The following WDR7 variants were observed in gnomAD, a reference collection of about 807,000 sequenced individuals.
The protein encoded by WDR7 is WD repeat domain 7.
A neutral mutation model predicts 169.4 loss-of-function variants in WDR7; 46 were observed. That is an observed-to-expected ratio of 0.27 (90% CI 0.21 to 0.35). WDR7 has a LOEUF of 0.35. Ranked by LOEUF, WDR7 falls within the 10% of genes least tolerant of loss-of-function variation. WDR7 has a pLI of 1.00. For synonymous variants in WDR7, 612 were observed against 666.8 expected, an observed-to-expected ratio of 0.92 and a Z score of 1.27; for missense variants, 1,534 against 1,859.3, an observed-to-expected ratio of 0.83 and a Z score of 3.22.
At chr18:56,776,747 C>T in intron 16 of WDR7, 35 bp from the exon 17 acceptor site, 1 of 1,582,890 alleles carries the variant, frequency 6.3e-7, no homozygotes, top group Non-Finnish European at 8.7e-7. Flanking sequence ...TACTTCAATT[C>T]TCTCCTCTTT....
chr18:56,842,489 G>A (rs1269047633), intron 20 of WDR7, among the ~76,000 whole-genome samples: 5 of 152,152 alleles, frequency 3.3e-5, no homozygotes, highest in Admixed American at 6.5e-5. Flanking sequence ...TCAAACAATA[G>A]CAAGGACTGA....
Position 57,009,874 on chromosome 18 carries a change from G to A in WDR7, c.4165-10871G>A, listed in dbSNP as rs73958738. The A allele has an allele frequency of 4.2e-3, 4,138 of 985,272 alleles. 136 individuals carry two copies. The African/African-American group carries it at 0.065, about 16-fold the overall frequency. The allele number at this position is 985,272 out of a possible 1,614,324, so 61.0% of individuals were successfully genotyped here. ...GGCAAAGGAGAGGTGACAAAGGAGC[G>A]GGAACACATGTGAAGATCCTGACCT... On this transcript the variant is annotated intron_variant, in intron 26 of 27. Coordinates refer to ENST00000254442, the MANE Select transcript of WDR7 (RefSeq NM_015285.3).
intron 1 of WDR7, among the ~76,000 whole-genome samples, chr18:56,670,866 A>G (rs948698883): frequency 6.6e-6 from 1 of 152,152 alleles, no homozygotes; most frequent in Non-Finnish European, 1.5e-5. Context: ...CTGTCAGGCT[A>G]TAGGTGACTT....
intron 14 of WDR7, among the ~76,000 whole-genome samples, chr18:56,754,247 TTGTGTGTGTGTGTGTGTG>T (rs71169393): frequency 2.1e-5 from 3 of 141,630 alleles, no homozygotes; most frequent in Non-Finnish European, 4.6e-5. Flanking sequence ...GTTTTGTGCT[TTGTGTGTGTGTGTGTGTG>T]TGTGTGTGTG....
At chr18:56,994,006 CT>C (rs35754900) in intron 26 of WDR7, among the ~76,000 whole-genome samples, 3,149 of 105,182 alleles carry the variant, frequency 0.03, 178 homozygotes, top group Admixed American at 0.16. Flanking sequence ...TCATCCATTA[CT>C]TTTTTTTTCT....
intron 4 of WDR7, 116 bp from the exon 5 acceptor site, chr18:56,682,563 C>T (rs557276815): frequency 1.1e-4 from 123 of 1,145,024 alleles, no homozygotes; most frequent in South Asian, 5.8e-4. Context: ...AAATTCTTAC[C>T]GAAGAAGTTG....
intron 26 of WDR7, among the ~76,000 whole-genome samples, chr18:56,982,325 G>T (rs929701308): frequency 6.6e-6 from 1 of 152,150 alleles, no homozygotes; most frequent in Non-Finnish European, 1.5e-5. Context: ...TATCTGTTTT[G>T]CCAAGGAGGG....
At chr18:56,889,179 G>A (rs970099697) in intron 21 of WDR7, among the ~76,000 whole-genome samples, 6 of 152,326 alleles carry the variant, frequency 3.9e-5, no homozygotes, top group Non-Finnish European at 8.8e-5. Flanking sequence ...CTTCAGTCAT[G>A]ATGGGGAGGA....
chr18:56,921,005 T>A (rs1486039940), intron 21 of WDR7, among the ~76,000 whole-genome samples: 2 of 152,186 alleles, frequency 1.3e-5, no homozygotes, highest in South Asian at 2.1e-4. Flanking sequence ...TAATATTTTT[T>A]AAAGGCTGGT....
In WDR7 at chr18:57,028,389, A is replaced by C. The variant is rs971915046; in HGVS notation, c.*1182A>C. ...CTAGACCACTTTCTTCTTATGTCAGATTGTGCTGGTTCTAGCTCATAATAA... is the reference window on the plus strand; with the variant it reads ...CTAGACCACTTTCTTCTTATGTCAGCTTGTGCTGGTTCTAGCTCATAATAA... On this transcript the variant is annotated 3_prime_UTR_variant, in exon 28 of 28. Transcript: ENST00000254442. 6.6e-6 allele frequency: 1 copy of C among 152,120 alleles called. No individual in the cohort carries two copies. The highest frequency in any genetic ancestry group is 1.5e-5 in the Non-Finnish European group (1 of 68,024). 9.4% of individuals were successfully genotyped at this position (152,120 alleles called of 1,614,324 possible). A position where few individuals can be genotyped will look rare whatever the true frequency, so the allele number is the denominator to read the frequency against.
At chr18:57,022,198 T>A (rs1249850548) in intron 27 of WDR7, among the ~76,000 whole-genome samples, 1 of 152,242 alleles carries the variant, frequency 6.6e-6, no homozygotes, top group African/African-American at 2.4e-5. Flanking sequence ...GCAGCAGTGG[T>A]TCTTTAAGGA....
chr18:56,909,264 C>T (rs1405639381), intron 21 of WDR7, among the ~76,000 whole-genome samples: 1 of 151,982 alleles, frequency 6.6e-6, no homozygotes, highest in East Asian at 1.9e-4. Context: ...TAGCATTTGG[C>T]TTCTGGGTGG....
Position 57,028,153 on chromosome 18 carries a change from G to A in WDR7, c.*946G>A, listed in dbSNP as rs965952295. 6.6e-6 allele frequency: 1 copy of A among 152,182 alleles called. No homozygotes were observed. The highest frequency in any genetic ancestry group is 1.5e-5 in the Non-Finnish European group (1 of 68,040). The allele number at this position is 152,182 out of a possible 1,614,324, so 9.4% of individuals were successfully genotyped here. On this transcript the variant is annotated 3_prime_UTR_variant, in exon 28 of 28. Coordinates refer to ENST00000254442, the MANE Select transcript of WDR7 (RefSeq NM_015285.3). ...TGTAGTTCCCATATGTGTGGCATAT[G>A]TCAGTTATGAAATTATTATAATTCA... is the stretch of plus-strand genomic sequence containing the variant.
chr18:57,012,815 T>A (rs1378210996), intron 26 of WDR7, among the ~76,000 whole-genome samples: 1 of 152,218 alleles, frequency 6.6e-6, no homozygotes, highest in Non-Finnish European at 1.5e-5. Context: ...GGCCCCAGAC[T>A]GCCTGGATTC....
chr18:56,984,823 G>A (rs2047690741), intron 26 of WDR7, among the ~76,000 whole-genome samples: 1 of 152,080 alleles, frequency 6.6e-6, no homozygotes, highest in Non-Finnish European at 1.5e-5. Context: ...CATTTTGGGG[G>A]CGGTTTTCCT....
At chr18:56,926,919 A>G (rs569432671) in intron 22 of WDR7, among the ~76,000 whole-genome samples, 135 of 152,186 alleles carry the variant, frequency 8.9e-4, no homozygotes, top group Middle Eastern at 3.4e-3. Flanking sequence ...TTAAGTGTGG[A>G]TCTTACCCTT....
intron 21 of WDR7, among the ~76,000 whole-genome samples, chr18:56,895,885 CTCA>C (rs2046326396): frequency 6.6e-6 from 1 of 151,730 alleles, no homozygotes; most frequent in South Asian, 2.1e-4. Flanking sequence ...CAATCAAAAT[CTCA>C]TCATTCTTAT....
chr18:56,869,933 C>T (rs2045930601), intron 20 of WDR7, among the ~76,000 whole-genome samples: 1 of 152,108 alleles, frequency 6.6e-6, no homozygotes, highest in Non-Finnish European at 1.5e-5. Flanking sequence ...TAATTACATA[C>T]ATTTACAATG....
At chr18:56,885,156 C>G (rs1036646353) in intron 21 of WDR7, among the ~76,000 whole-genome samples, 1 of 152,138 alleles carries the variant, frequency 6.6e-6, no homozygotes, top group Non-Finnish European at 1.5e-5. Flanking sequence ...AGCCCCAGAT[C>G]TCTTTGACAT....
Sources: gnomAD v4.1 joint callset for allele counts (sites outside exome capture counted in the v4.1 genomes callset) on GRCh38, gnomAD v4.1.1 for gene constraint, MANE v1.5 for transcripts, NCBI Gene and HGNC (gene_info 2026-07-23, HGNC 2026-07-21) for gene names.